Variants in CNGA1 observed in about 807,000 individuals in gnomAD.
CNGA1 encodes the protein cyclic nucleotide gated channel subunit alpha 1.
In CNGA1, 53 loss-of-function variants were observed where a neutral mutation model predicts 69.7. That is an observed-to-expected ratio of 0.76 (90% CI 0.61 to 0.96). The LOEUF is 0.96. Among genes scored for constraint, CNGA1 ranks in the 40% least tolerant of loss-of-function variants. The probability of loss-of-function intolerance (pLI) is 0.00; values close to 1 mark genes in which losing one functional copy is unlikely to be tolerated. For missense variants in CNGA1, 739 were observed against 811.2 expected, an observed-to-expected ratio of 0.91 and a Z score of 1.08; for synonymous variants, 249 against 283.5, an observed-to-expected ratio of 0.88 and a Z score of 1.22.
chr4:48,012,445 G>A (rs1013691595), intron 1 of CNGA1, among the ~76,000 whole-genome samples: 1 of 151,234 alleles, frequency 6.6e-6, no homozygotes, highest in Non-Finnish European at 1.5e-5. Context: ...ATTGCTTTCA[G>A]TTTGGCCTAA....
chr4:47,976,336 T>C (rs1241024430), intron 3 of CNGA1, among the ~76,000 whole-genome samples: 3 of 26,448 alleles, frequency 1.1e-4, no homozygotes, highest in Non-Finnish European at 3.6e-4. Context: ...TATATATATA[T>C]ACACATATAT....
At chr4:47,976,170 T>TAC (rs1159606020) in intron 3 of CNGA1, among the ~76,000 whole-genome samples, 19 of 48,556 alleles carry the variant, frequency 3.9e-4, no homozygotes, top group African/African-American at 1.7e-3. Flanking sequence ...TATATATATA[T>TAC]ACACATACAT....
intron 6 of CNGA1, among the ~76,000 whole-genome samples, chr4:47,948,103 A>G (rs1739517767): frequency 6.6e-6 from 1 of 152,088 alleles, no homozygotes; most frequent in Non-Finnish European, 1.5e-5. Flanking sequence ...GACCAGTGCC[A>G]TTATTTAGGG....
chr4:47,995,171 G>C (rs527556758), intron 2 of CNGA1, among the ~76,000 whole-genome samples: 1 of 132,750 alleles, frequency 7.5e-6, no homozygotes, highest in African/African-American at 2.5e-5. Context: ...TGATCTTTTT[G>C]TGATGAATTT....
At chr4:47,945,271 A>C (rs896696741) in intron 6 of CNGA1, among the ~76,000 whole-genome samples, 2 of 151,920 alleles carry the variant, frequency 1.3e-5, no homozygotes, top group African/African-American at 4.9e-5. Context: ...GACCTAAGCC[A>C]GTACTTAGAC....
chr4:47,943,402 C>A lies in CNGA1; in HGVS notation c.298G>T (p.Glu100Ter). The change falls in exon 7 of 11, where the codon GAA becomes TAA. Residue 100 changes from glutamate (E) to a stop codon, truncating the protein, a stop_gained. Transcript: ENST00000514170. LOFTEE classifies it high-confidence loss of function. ...TTTTCTTTTTTCTTTTTCTTTTTTT[C>A]TTCTGGTTCCCTAAAGAAAAAAATA... ...NSSNKDQEPE[E>*]KKKKKKEKKS... The A allele has an allele frequency of 6.7e-7, 1 of 1,485,834 alleles. No homozygotes were observed. Among genetic ancestry groups the A allele is most frequent in the Non-Finnish European group, 9.0e-7 (1 of 1,108,158 alleles). 92.0% of individuals were successfully genotyped at this position (1,485,834 alleles called of 1,614,324 possible).
intron 3 of CNGA1, among the ~76,000 whole-genome samples, chr4:47,976,997 A>C (rs1451435303): frequency 6.6e-6 from 1 of 152,218 alleles, no homozygotes. Context: ...TGAAAGATGA[A>C]TAGGAGTTTG....
In CNGA1 at chr4:47,936,068, C is replaced by A. The variant is rs576490868; in HGVS notation, c.*353G>T. 40 of 288,252 alleles carry A rather than the reference C, an allele frequency of 1.4e-4. No individual in the cohort carries two copies. Among genetic ancestry groups the A allele is most frequent in the African/African-American group, 8.8e-4 (40 of 45,630 alleles). The allele number at this position is 288,252 out of a possible 1,614,324, so 17.9% of individuals were successfully genotyped here. A position where few individuals can be genotyped will look rare whatever the true frequency, so the allele number is the denominator to read the frequency against. On this transcript the variant is annotated 3_prime_UTR_variant, in exon 11 of 11. Coordinates refer to ENST00000514170, the MANE Select transcript of CNGA1 (RefSeq NM_001379270.1). ...TGGTAATTCTCAGTTACTTCAAATA[C>A]GCTTCACTCAACAATGGAAATGGCA... is the stretch of plus-strand genomic sequence containing the variant.
At position 47,937,363 on chromosome 4, in the gene CNGA1, A is replaced by G. The variant is rs1738730992; in HGVS notation, c.1119T>C (p.Phe373=). Residue 373 remains phenylalanine (F), a synonymous_variant, in exon 11 of 11, where the codon TTT becomes TTC. Transcript: ENST00000514170. ...PPPVRDSEYV[F]VVVDFLIGVL... ...CTCCAATTAGGAAATCAACCACCAC[A>G]AAGACATACTCAGAATCCCTCACGG... is the stretch of plus-strand genomic sequence containing the variant. The G allele has an allele frequency of 1.9e-6, 3 of 1,614,154 alleles. No individual in the cohort carries two copies. The highest frequency in any genetic ancestry group is 2.5e-6 in the Non-Finnish European group (3 of 1,180,032).
chr4:47,978,543 C>A (rs941571765), intron 3 of CNGA1, among the ~76,000 whole-genome samples: 1 of 151,986 alleles, frequency 6.6e-6, no homozygotes, highest in African/African-American at 2.4e-5. Context: ...TATTTTGTAG[C>A]CTATCATCTT....
At chr4:47,950,924 C>T (rs953063360) in intron 5 of CNGA1, among the ~76,000 whole-genome samples, 1 of 152,284 alleles carries the variant, frequency 6.6e-6, no homozygotes, top group Non-Finnish European at 1.5e-5. Flanking sequence ...TGCTTCAGGA[C>T]CCTGAAAGAA....
chr4:47,987,386 C>T (rs576540983), intron 2 of CNGA1, among the ~76,000 whole-genome samples: 1 of 152,186 alleles, frequency 6.6e-6, no homozygotes, highest in South Asian at 2.1e-4. Flanking sequence ...ATGTTTATAA[C>T]CATAATAATT....
At chr4:48,005,512 T>C (rs1467899151) in intron 2 of CNGA1, among the ~76,000 whole-genome samples, 1 of 152,236 alleles carries the variant, frequency 6.6e-6, no homozygotes, top group Non-Finnish European at 1.5e-5. Flanking sequence ...GATGGTACTT[T>C]ATTCCATAGA....
intron 3 of CNGA1, among the ~76,000 whole-genome samples, chr4:47,977,355 G>C (rs1560301960): frequency 2.0e-5 from 3 of 152,192 alleles, no homozygotes; most frequent in Non-Finnish European, 4.4e-5. Flanking sequence ...GCAAGCTAAG[G>C]AGGGAGGCCT....
intron 2 of CNGA1, among the ~76,000 whole-genome samples, chr4:48,006,448 T>G (rs1026125131): frequency 6.6e-6 from 1 of 152,152 alleles, no homozygotes; most frequent in Admixed American, 6.6e-5. Flanking sequence ...TTCCCATAAT[T>G]TTAGAATACA....
chr4:47,954,734 C>CTTCT (rs370558218), intron 3 of CNGA1, among the ~76,000 whole-genome samples: 19 of 152,304 alleles, frequency 1.2e-4, no homozygotes, highest in African/African-American at 3.8e-4. Context: ...AAAGAACATA[C>CTTCT]TTCTGTTCAA....
chr4:47,974,797 C>G (rs975259533), intron 3 of CNGA1, among the ~76,000 whole-genome samples: 4 of 151,762 alleles, frequency 2.6e-5, no homozygotes, highest in Non-Finnish European at 5.9e-5. Context: ...AGAGAAACAG[C>G]CAGTGCCTGA....
chr4:47,993,271 TC>T, intron 2 of CNGA1, among the ~76,000 whole-genome samples: 1 of 152,272 alleles, frequency 6.6e-6, no homozygotes, highest in South Asian at 2.1e-4. Flanking sequence ...TGGTACCAAT[TC>T]TTTGAATGTT....
chr4:48,007,293 G>A (rs987077148), intron 2 of CNGA1, among the ~76,000 whole-genome samples: 1 of 152,120 alleles, frequency 6.6e-6, no homozygotes, highest in South Asian at 2.1e-4. Flanking sequence ...TGACACAGCG[G>A]TCCATATGCT....
Sources: gnomAD v4.1 joint callset for allele counts (sites outside exome capture counted in the v4.1 genomes callset) on GRCh38, gnomAD v4.1.1 for gene constraint, MANE v1.5 for transcripts, NCBI Gene and HGNC (gene_info 2026-07-23, HGNC 2026-07-21) for gene names.